Variants in BLTP3B observed in about 807,000 individuals in gnomAD.
BLTP3B encodes UHRF1 (ICBP90) binding protein 1-like.
At chr12:100,142,128 C>T in the BLTP3B span, among the ~76,000 whole-genome samples, 1 of 152,222 alleles carries the variant, frequency 6.6e-6, no homozygotes, top group East Asian at 1.9e-4. Flanking sequence ...GAGAACACAG[C>T]CTCCACTGAG....
At chr12:100,110,665 G>C in the BLTP3B span, among the ~76,000 whole-genome samples, 10 of 152,004 alleles carry the variant, frequency 6.6e-5, no homozygotes, top group Non-Finnish European at 1.5e-4. Context: ...TCTGAAACAG[G>C]GACTTTTGAG....
chr12:100,106,782 G>C, the BLTP3B span, among the ~76,000 whole-genome samples: 1 of 152,288 alleles, frequency 6.6e-6, no homozygotes, highest in South Asian at 2.1e-4. Context: ...AAAGTGTCAA[G>C]TCTTTGTAGA....
chr12:100,062,912 G>A, the BLTP3B span, among the ~76,000 whole-genome samples: 1 of 151,614 alleles, frequency 6.6e-6, no homozygotes, highest in African/African-American at 2.4e-5. Context: ...AGTGAGCCAC[G>A]ATTGTGCCAC....
the BLTP3B span, among the ~76,000 whole-genome samples, chr12:100,081,779 G>A: frequency 6.6e-6 from 1 of 152,184 alleles, no homozygotes. Flanking sequence ...GTACTCTGCG[G>A]TGTATATGTA....
At chr12:100,048,771 A>AGTGAGTGT in the BLTP3B span, among the ~76,000 whole-genome samples, 1 of 114,980 alleles carries the variant, frequency 8.7e-6, no homozygotes, top group African/African-American at 3.3e-5. Flanking sequence ...AGTGAGAGTG[A>AGTGAGTGT]GTGTGTGTGT....
chr12:100,126,760 C>A, the BLTP3B span, among the ~76,000 whole-genome samples: 6 of 152,138 alleles, frequency 3.9e-5, no homozygotes, highest in Admixed American at 3.3e-4. Flanking sequence ...TGAAAATACT[C>A]AGTGTTTAGT....
the BLTP3B span, among the ~76,000 whole-genome samples, chr12:100,118,811 TAAAG>T: frequency 1.3e-5 from 2 of 152,190 alleles, no homozygotes; most frequent in African/African-American, 2.4e-5. Flanking sequence ...AAAATTATAA[TAAAG>T]AAATCAGCTG....
chr12:100,053,943 C>T, the BLTP3B span, among the ~76,000 whole-genome samples: 1 of 151,970 alleles, frequency 6.6e-6, no homozygotes, highest in Non-Finnish European at 1.5e-5. Context: ...AAATTAATGA[C>T]CCTGACATAA....
the BLTP3B span, chr12:100,058,681 T>G: frequency 3.1e-6 from 5 of 1,614,032 alleles, no homozygotes; most frequent in Non-Finnish European, 4.2e-6. Context: ...AGTTCTGCAC[T>G]TCTAAGTAAA....
chr12:100,140,632 G>T, the BLTP3B span, among the ~76,000 whole-genome samples: 1 of 143,824 alleles, frequency 7.0e-6, no homozygotes, highest in East Asian at 2.1e-4. Context: ...TTGAAGCCAG[G>T]AGGCAGAGGC....
At chr12:100,111,124 T>C in the BLTP3B span, among the ~76,000 whole-genome samples, 9 of 152,122 alleles carry the variant, frequency 5.9e-5, no homozygotes, top group Non-Finnish European at 1.2e-4. Flanking sequence ...AATACATACA[T>C]ATCAAGTAAT....
At chr12:100,124,967 TATATATATATA>T in the BLTP3B span, among the ~76,000 whole-genome samples, 336 of 115,780 alleles carry the variant, frequency 2.9e-3, 5 homozygotes, top group African/African-American at 0.011. Flanking sequence ...TATATATATA[TATATATATATA>T]TTTATATTTA....
At chr12:100,086,226 A>G in the BLTP3B span, 1 of 1,200,912 alleles carries the variant, frequency 8.3e-7, no homozygotes, top group Non-Finnish European at 1.1e-6. Context: ...AATTAGCTAT[A>G]TAATTTGAAA....
chr12:100,058,472 A>G, the BLTP3B span: 2 of 1,613,220 alleles, frequency 1.2e-6, no homozygotes, highest in Non-Finnish European at 1.7e-6. Context: ...TAAGGTCAAC[A>G]CTCATAGATC....
At chr12:100,091,183 ATTTTTTT>A in the BLTP3B span, among the ~76,000 whole-genome samples, 3 of 81,246 alleles carry the variant, frequency 3.7e-5, no homozygotes, top group East Asian at 8.8e-4. Context: ...CGCCTGGCTA[ATTTTTTT>A]TTTTTTTTTT....
chr12:100,055,677 CAAA>C, the BLTP3B span, among the ~76,000 whole-genome samples: 9 of 83,354 alleles, frequency 1.1e-4, no homozygotes, highest in Non-Finnish European at 1.9e-4. Context: ...AACTACATCT[CAAA>C]AAAAAAAAAA....
chr12:100,141,226 G>C, the BLTP3B span, among the ~76,000 whole-genome samples: 1 of 151,934 alleles, frequency 6.6e-6, no homozygotes, highest in Non-Finnish European at 1.5e-5. Context: ...GCTCACACCT[G>C]TAATCCCAGC....
At chr12:100,044,996 A>G in the BLTP3B span, among the ~76,000 whole-genome samples, 1 of 152,314 alleles carries the variant, frequency 6.6e-6, no homozygotes, top group South Asian at 2.1e-4. Context: ...ACTCTCATTC[A>G]CAATTACTAC....
At chr12:100,081,778 G>A in the BLTP3B span, among the ~76,000 whole-genome samples, 25 of 152,256 alleles carry the variant, frequency 1.6e-4, no homozygotes, top group African/African-American at 5.3e-4. Context: ...AGTACTCTGC[G>A]GTGTATATGT....
Sources: gnomAD v4.1 joint callset for allele counts (sites outside exome capture counted in the v4.1 genomes callset) on GRCh38, gnomAD v4.1.1 for gene constraint, MANE v1.5 for transcripts, NCBI Gene and HGNC (gene_info 2026-07-23, HGNC 2026-07-21) for gene names.